Variants in GRIN3A observed in about 807,000 individuals in gnomAD.
GRIN3A encodes glutamate receptor ionotropic, NMDA 3A.
In GRIN3A, 47 loss-of-function variants were observed where a neutral mutation model predicts 92.4. The ratio of observed to expected loss-of-function variants is 0.51; its 90% CI spans 0.40 to 0.65. The LOEUF (loss-of-function observed/expected upper bound fraction) is 0.65. Ranked by LOEUF, GRIN3A falls within the 30% of genes least tolerant of loss-of-function variation. GRIN3A has a pLI of 0.00. For missense variants in GRIN3A, 1,324 were observed against 1,393.1 expected (o/e 0.95, Z 0.79); for synonymous variants, 527 against 540.6 (o/e 0.97, Z 0.35).
chr9:101,627,974 A>G (rs1241160624), intron 4 of GRIN3A, among the ~76,000 whole-genome samples: 7 of 152,174 alleles, frequency 4.6e-5, no homozygotes, highest in Non-Finnish European at 1.5e-5. Context: ...TAAAGCCAAC[A>G]TTTACTTCCT....
In GRIN3A at chr9:101,670,623, G is replaced by A. The variant is rs751445634; in HGVS notation, c.1789C>T (p.Leu597Phe). 20 of 1,613,894 alleles carry A rather than the reference G, an allele frequency of 1.2e-5. No homozygotes were observed. The African/African-American group carries it at 2.7e-4, about 22-fold the overall frequency. Residue 597 changes from leucine (L) to phenylalanine (F), a missense_variant, in exon 3 of 9, where the codon CTC (leucine) becomes TTC (phenylalanine). Coordinates refer to ENST00000361820, the MANE Select transcript of GRIN3A (RefSeq NM_133445.3). ...IAEDMNFDFDLYIVGDGKYGA... is the reference protein window; with the variant it reads ...IAEDMNFDFDFYIVGDGKYGA... ...TACTTTCCATCCCCTACAATATAGAGGTCGAAGTCAAAGTTCATGTCTTCT... is the reference window on the plus strand; with the variant it reads ...TACTTTCCATCCCCTACAATATAGAAGTCGAAGTCAAAGTTCATGTCTTCT...
intron 6 of GRIN3A, chr9:101,594,077 CA>C (rs1828073004): frequency 1.3e-5 from 3 of 236,568 alleles, no homozygotes; most frequent in South Asian, 2.2e-4. Flanking sequence ...GAAATAACAG[CA>C]AAAATGTATA....
chr9:101,724,416 G>A (rs1830057827), intron 1 of GRIN3A, among the ~76,000 whole-genome samples: 1 of 152,148 alleles, frequency 6.6e-6, no homozygotes, highest in Non-Finnish European at 1.5e-5. Context: ...CGAGTGCGGG[G>A]CCCGCCAAGC....
At chr9:101,602,094 C>CT (rs1363393446) in intron 6 of GRIN3A, among the ~76,000 whole-genome samples, 3 of 152,116 alleles carry the variant, frequency 2.0e-5, no homozygotes, top group African/African-American at 7.2e-5. Context: ...AGGAAGCCAC[C>CT]TATACTGTGT....
At position 101,670,756 on chromosome 9, in the gene GRIN3A, G is replaced by T. The variant is rs546728940; in HGVS notation, c.1656C>A (p.Ser552=). The T allele has an allele frequency of 1.4e-5, 22 of 1,614,038 alleles. No individual in the cohort carries two copies. In the South Asian group the frequency reaches 2.4e-4, roughly 18 times the overall value. ...GGCTGCTAAAAAGGCTGTCCAATGT[G>T]GAAGAGTCATTAGTCATGGGGTCTA... The part of the protein sequence containing the change: ...LCLDPMTNDS[S]TLDSLFSSLH... The change falls in exon 3 of 9, where the codon TCC becomes TCA. Residue 552 remains serine (S), a synonymous_variant. Coordinates refer to ENST00000361820, the MANE Select transcript of GRIN3A (RefSeq NM_133445.3).
intron 3 of GRIN3A, among the ~76,000 whole-genome samples, chr9:101,667,178 T>G (rs1188626158): frequency 1.3e-5 from 2 of 151,968 alleles, no homozygotes; most frequent in Non-Finnish European, 2.9e-5. Context: ...ACCTATATAC[T>G]TTATACTATA....
intron 6 of GRIN3A, among the ~76,000 whole-genome samples, chr9:101,589,178 G>C (rs993675087): frequency 2.0e-5 from 3 of 152,100 alleles, no homozygotes; most frequent in Non-Finnish European, 2.9e-5. Flanking sequence ...TCAGCATGTT[G>C]ACCAGGCTGG....
At chr9:101,588,897 T>C (rs1055901622) in intron 6 of GRIN3A, among the ~76,000 whole-genome samples, 6 of 152,088 alleles carry the variant, frequency 3.9e-5, no homozygotes, top group African/African-American at 1.4e-4. Flanking sequence ...AAACTGTGGT[T>C]GTTTAATTTT....
chr9:101,666,470 T>C (rs1564139521), intron 3 of GRIN3A, among the ~76,000 whole-genome samples: 1 of 151,734 alleles, frequency 6.6e-6, no homozygotes, highest in East Asian at 1.9e-4. Flanking sequence ...TAGAGGGGAA[T>C]ACACACTGGG....
Position 101,628,098 on chromosome 9 carries a change from A to G in GRIN3A, c.2498+158T>C, listed in dbSNP as rs145759959. ...CACATAATTAAATACACACTATTTCACACCATCTCCTGGGATCTCACACAG... is the reference window on the plus strand; with the variant it reads ...CACATAATTAAATACACACTATTTCGCACCATCTCCTGGGATCTCACACAG... On this transcript the variant is annotated intron_variant, in intron 4 of 8. Coordinates refer to ENST00000361820, the MANE Select transcript of GRIN3A (RefSeq NM_133445.3). Among the ~76,000 whole-genome samples the G allele has an allele frequency of 4.9e-4, 75 of 152,364 alleles. 1 individual carries two copies. In the East Asian group the frequency reaches 0.013, roughly 26 times the overall value.
At chr9:101,617,944 A>G (rs1175999896) in intron 5 of GRIN3A, among the ~76,000 whole-genome samples, 2 of 151,826 alleles carry the variant, frequency 1.3e-5, no homozygotes, top group African/African-American at 4.9e-5. Context: ...GATGATTTCC[A>G]ATTTCATCCA....
Position 101,670,276 on chromosome 9 carries a change from T to C in GRIN3A, c.2136A>G (p.Lys712=), listed in dbSNP as rs754683003. ...TCAAGGCTGAAGAAAAGGAGAAGAC[T>C]TTACTTCTATTTCGCCCCTTGGGAG... is the stretch of plus-strand genomic sequence containing the variant. The part of the protein sequence containing the change: ...GLTPKGRNRS[K]VFSFSSALNI... The change falls in exon 3 of 9, where the codon AAA becomes AAG. Residue 712 remains lysine, a synonymous_variant. Transcript: ENST00000361820. 5 of 1,614,040 alleles carry C rather than the reference T, an allele frequency of 3.1e-6. No homozygotes were observed. The South Asian group carries it at 5.5e-5, about 18-fold the overall frequency.
chr9:101,575,712 T>C (rs1274007492), intron 8 of GRIN3A, among the ~76,000 whole-genome samples: 1 of 152,180 alleles, frequency 6.6e-6, no homozygotes, highest in Non-Finnish European at 1.5e-5. Context: ...TCAGTAAATA[T>C]GGGGCACAGA....
intron 1 of GRIN3A, among the ~76,000 whole-genome samples, chr9:101,715,366 C>T (rs1310176330): frequency 6.6e-6 from 1 of 152,078 alleles, no homozygotes; most frequent in African/African-American, 2.4e-5. Flanking sequence ...AGAAATTCTC[C>T]ATGTTTAAGG....
At chr9:101,657,451 A>G (rs912065450) in intron 3 of GRIN3A, among the ~76,000 whole-genome samples, 4 of 152,000 alleles carry the variant, frequency 2.6e-5, no homozygotes, top group African/African-American at 7.2e-5. Context: ...TAGCCTTTCA[A>G]TAATGTAAAC....
intron 2 of GRIN3A, among the ~76,000 whole-genome samples, chr9:101,678,002 G>A (rs1447598337): frequency 6.6e-6 from 1 of 152,062 alleles, no homozygotes; most frequent in Non-Finnish European, 1.5e-5. Context: ...CCACAGAATT[G>A]CTGTTCTCCC....
intron 1 of GRIN3A, among the ~76,000 whole-genome samples, chr9:101,690,560 A>G (rs570130901): frequency 6.6e-6 from 1 of 152,326 alleles, no homozygotes; most frequent in African/African-American, 2.4e-5. Flanking sequence ...CAAAGCATCA[A>G]AGAATCATTC....
chr9:101,717,473 C>T (rs904973616), intron 1 of GRIN3A, among the ~76,000 whole-genome samples: 2 of 152,118 alleles, frequency 1.3e-5, no homozygotes, highest in South Asian at 2.1e-4. Context: ...CCACACCCGG[C>T]GGCTGAAACC....
intron 6 of GRIN3A, among the ~76,000 whole-genome samples, chr9:101,584,842 T>A (rs541499791): frequency 6.6e-6 from 1 of 152,366 alleles, no homozygotes; most frequent in Non-Finnish European, 1.5e-5. Flanking sequence ...ACTTGAAACA[T>A]CTGACAGCTG....
Sources: gnomAD v4.1 joint callset for allele counts (sites outside exome capture counted in the v4.1 genomes callset) on GRCh38, gnomAD v4.1.1 for gene constraint, MANE v1.5 for transcripts, NCBI Gene and HGNC (gene_info 2026-07-23, HGNC 2026-07-21) for gene names.